The following NECAB1 variants were observed in gnomAD, a reference collection of about 807,000 sequenced individuals.
The protein encoded by NECAB1 is N-terminal EF-hand calcium-binding protein 1.
A neutral mutation model predicts 57.5 loss-of-function variants in NECAB1; 29 were observed. The ratio of observed to expected loss-of-function variants is 0.50; its 90% CI spans 0.38 to 0.69. The LOEUF is 0.69. Ranked by LOEUF, NECAB1 falls within the 30% of genes least tolerant of loss-of-function variation. The pLI, the probability that NECAB1 is intolerant of heterozygous loss-of-function variation, is 0.00. For missense variants in NECAB1, 372 were observed against 413.8 expected, an observed-to-expected ratio of 0.90 and a Z score of 0.88; for synonymous variants, 142 against 147.7, an observed-to-expected ratio of 0.96 and a Z score of 0.28.
chr8:90,847,920 A>G (rs911319353), intron 3 of NECAB1, among the ~76,000 whole-genome samples: 2 of 152,074 alleles, frequency 1.3e-5, no homozygotes, highest in African/African-American at 4.8e-5. Flanking sequence ...GCTGCCGCAA[A>G]ATTCTCTGAC....
intron 3 of NECAB1, among the ~76,000 whole-genome samples, chr8:90,860,381 A>C (rs1407866998): frequency 6.6e-6 from 1 of 152,048 alleles, no homozygotes; most frequent in African/African-American, 2.4e-5. Flanking sequence ...TAGAGCTCTA[A>C]AAATGATGCC....
chr8:90,820,674 A>G (rs1314751363), intron 2 of NECAB1, among the ~76,000 whole-genome samples: 1 of 110,398 alleles, frequency 9.1e-6, no homozygotes, highest in Non-Finnish European at 1.6e-5. Flanking sequence ...TACTGTTTAA[A>G]TAGTCTTTTT....
chr8:90,883,544 G>A (rs1808896317), intron 5 of NECAB1, among the ~76,000 whole-genome samples: 1 of 152,178 alleles, frequency 6.6e-6, no homozygotes, highest in Non-Finnish European at 1.5e-5. Context: ...CAGTACCTCT[G>A]TTTGCAGTGT....
chr8:90,933,545 G>A (rs1206435787), intron 8 of NECAB1, among the ~76,000 whole-genome samples: 1 of 152,130 alleles, frequency 6.6e-6, no homozygotes, highest in African/African-American at 2.4e-5. Flanking sequence ...AAAGGCATAA[G>A]AATGACACAG....
intron 5 of NECAB1, among the ~76,000 whole-genome samples, chr8:90,912,487 G>T (rs186981803): frequency 1.2e-4 from 18 of 152,214 alleles, no homozygotes; most frequent in East Asian, 1.9e-4. Context: ...TTTATTAATT[G>T]TTTAATAATA....
intron 12 of NECAB1, among the ~76,000 whole-genome samples, chr8:90,954,544 G>T (rs1810983188): frequency 6.6e-6 from 1 of 152,026 alleles, no homozygotes; most frequent in Non-Finnish European, 1.5e-5. Flanking sequence ...TACTTGAACA[G>T]TTTTGAAAGC....
chr8:90,877,895 A>C (rs1299096914), intron 4 of NECAB1, among the ~76,000 whole-genome samples: 1 of 152,192 alleles, frequency 6.6e-6, no homozygotes, highest in Non-Finnish European at 1.5e-5. Context: ...ACTCCTGCAA[A>C]CATGACAGGA....
intron 2 of NECAB1, 43 bp from the exon 3 acceptor site, chr8:90,824,674 C>T: frequency 7.7e-7 from 1 of 1,307,120 alleles, no homozygotes; most frequent in South Asian, 1.4e-5. Flanking sequence ...GAACAATGTA[C>T]AAAATTAAAA....
chr8:90,948,560 C>T (rs1810858847), intron 10 of NECAB1, among the ~76,000 whole-genome samples: 1 of 152,150 alleles, frequency 6.6e-6, no homozygotes, highest in Admixed American at 6.5e-5. Context: ...CTGGTAAGTT[C>T]TTTGTTAACC....
rs369953532 is a variant in NECAB1, at chr8:90,819,153, TTC to T, written c.125-5560_125-5559del. Among the ~76,000 whole-genome samples the T allele has an allele frequency of 4.6e-3, 694 of 152,106 alleles. 4 individuals are homozygous for T. The highest frequency in any genetic ancestry group is 0.015 in the African/African-American group (636 of 41,534). ...TTATTTATTTCTAGTATTTTTTTCA[TTC>T]TCTGTTAGAATTTTTATCCGTCTGT... On this transcript the variant is annotated intron_variant, in intron 2 of 12. Transcript: ENST00000417640.
chr8:90,909,674 A>G (rs77497135), intron 5 of NECAB1, among the ~76,000 whole-genome samples: 1 of 41,198 alleles, frequency 2.4e-5, no homozygotes, highest in Non-Finnish European at 3.6e-5. Flanking sequence ...TCTAGATTTT[A>G]TTTTGTTTTG....
intron 2 of NECAB1, among the ~76,000 whole-genome samples, chr8:90,813,823 G>C (rs879564282): frequency 1.9e-4 from 29 of 152,236 alleles, no homozygotes; most frequent in Non-Finnish European, 3.8e-4. Flanking sequence ...TGTTTTAAAA[G>C]TTTTAGATTT....
chr8:90,882,425 G>GAA (rs987293040), intron 5 of NECAB1, among the ~76,000 whole-genome samples: 7 of 134,716 alleles, frequency 5.2e-5, no homozygotes, highest in African/African-American at 1.9e-4. Context: ...GAGAGAGAGA[G>GAA]AAAAAAAAAA....
At chr8:90,891,730 G>A (rs1161194427) in intron 5 of NECAB1, among the ~76,000 whole-genome samples, 1 of 150,830 alleles carries the variant, frequency 6.6e-6, no homozygotes, top group Non-Finnish European at 1.5e-5. Flanking sequence ...TTTCACTCCT[G>A]TTGCGCAGGC....
chr8:90,856,309 G>T (rs1438449228), intron 3 of NECAB1, among the ~76,000 whole-genome samples: 1 of 151,960 alleles, frequency 6.6e-6, no homozygotes, highest in South Asian at 2.1e-4. Flanking sequence ...ATGCATAGAA[G>T]AATTTTTCTT....
intron 3 of NECAB1, among the ~76,000 whole-genome samples, chr8:90,846,930 G>A (rs949754534): frequency 5.3e-5 from 8 of 152,114 alleles, no homozygotes. Context: ...AGATTTGGGT[G>A]GGGACACAGC....
intron 7 of NECAB1, 40 bp downstream of exon 7, chr8:90,925,696 T>A (rs1486748419): frequency 5.0e-6 from 8 of 1,609,266 alleles, no homozygotes; most frequent in Non-Finnish European, 6.8e-6. Flanking sequence ...TCAAAGTCTA[T>A]TTATCTTGCG....
At chr8:90,841,200 C>CAGTG (rs1209554819) in intron 3 of NECAB1, among the ~76,000 whole-genome samples, 1 of 151,338 alleles carries the variant, frequency 6.6e-6, no homozygotes, top group Non-Finnish European at 1.5e-5. Flanking sequence ...GCGGAGCTTG[C>CAGTG]AGTGAGCCGA....
At chr8:90,893,076 T>C (rs1809226832) in intron 5 of NECAB1, among the ~76,000 whole-genome samples, 1 of 152,208 alleles carries the variant, frequency 6.6e-6, no homozygotes, top group African/African-American at 2.4e-5. Flanking sequence ...TCCTTGCTTG[T>C]GGATGACATC....
Sources: allele counts gnomAD v4.1 joint callset (sites outside exome capture counted in the v4.1 genomes callset), GRCh38; gene constraint gnomAD v4.1.1; transcripts MANE v1.5; gene names NCBI Gene and HGNC (gene_info 2026-07-23, HGNC 2026-07-21).